TLR5: variants seen among roughly 807,000 people sequenced by gnomAD.
TLR5 encodes the protein toll-like receptor 5.
For missense variants in TLR5, 944 were observed against 999.8 expected, an observed-to-expected ratio of 0.94 and a Z score of 0.75; for synonymous variants, 373 against 384.4, an observed-to-expected ratio of 0.97 and a Z score of 0.35.
At chr1:223,142,215 T>C (rs1657904137) in intron 1 of TLR5, among the ~76,000 whole-genome samples, 1 of 152,090 alleles carries the variant, frequency 6.6e-6, no homozygotes, top group Non-Finnish European at 1.5e-5. Context: ...CCCCTAGCAT[T>C]AGCGGGGAGT....
intron 5 of TLR5, among the ~76,000 whole-genome samples, chr1:223,117,110 G>T (rs1656702055): frequency 2.0e-5 from 3 of 152,164 alleles, no homozygotes; most frequent in African/African-American, 7.2e-5. Flanking sequence ...CTGCAGGCAG[G>T]CGGCTGAGGC....
At chr1:223,122,226 T>G (rs1656982983) in intron 5 of TLR5, among the ~76,000 whole-genome samples, 1 of 152,184 alleles carries the variant, frequency 6.6e-6, no homozygotes, top group Non-Finnish European at 1.5e-5. Context: ...TGCATCATGA[T>G]GATAAACCAA....
chr1:223,121,578 G>A (rs1055854153), intron 5 of TLR5, among the ~76,000 whole-genome samples: 1 of 152,220 alleles, frequency 6.6e-6, no homozygotes, highest in Non-Finnish European at 1.5e-5. Flanking sequence ...GAGTGCAGTG[G>A]TGCGATTACA....
Position 223,109,578 on chromosome 1 carries a change from T to C in TLR5, c.*877A>G, listed in dbSNP as rs1656220962. The C allele has an allele frequency of 6.6e-6, 1 of 152,150 alleles. No individual in the cohort carries two copies. Among genetic ancestry groups the C allele is most frequent in the Non-Finnish European group, 1.5e-5 (1 of 68,020 alleles). 9.4% of individuals were successfully genotyped at this position (152,150 alleles called of 1,614,324 possible). On this transcript the variant is annotated 3_prime_UTR_variant, in exon 6 of 6. Coordinates refer to ENST00000642603, the MANE Select transcript of TLR5 (RefSeq NM_003268.6). ...CAATTTAATTTTCACAGGAATTCTATGACATAGATGCTGTTACGTGAGAAA... is the reference window on the plus strand; with the variant it reads ...CAATTTAATTTTCACAGGAATTCTACGACATAGATGCTGTTACGTGAGAAA...
chr1:223,126,426 A>T (rs1017822170), intron 5 of TLR5, among the ~76,000 whole-genome samples: 1 of 152,192 alleles, frequency 6.6e-6, no homozygotes, highest in Admixed American at 6.5e-5. Context: ...AACAGTAGTG[A>T]ATGTACTTAA....
chr1:223,117,353 C>T (rs1018575882), intron 5 of TLR5, among the ~76,000 whole-genome samples: 1 of 151,874 alleles, frequency 6.6e-6, no homozygotes, highest in Non-Finnish European at 1.5e-5. Context: ...GGATCCTGCT[C>T]CGGCCTCAGC....
chr1:223,121,304 T>G (rs1294998870), intron 5 of TLR5, among the ~76,000 whole-genome samples: 1 of 152,212 alleles, frequency 6.6e-6, no homozygotes, highest in Non-Finnish European at 1.5e-5. Context: ...TATAAAATTA[T>G]GTATGTAGGT....
chr1:223,109,923 GCTT>G lies in TLR5; in HGVS notation c.*529_*531del, dbSNP rs1656236206. On this transcript the variant is annotated 3_prime_UTR_variant, in exon 6 of 6. Transcript: ENST00000642603. ...GACAGGTAGTGACTCATTCATCCCA[GCTT>G]CTTTGGGGCCACCTCTTATCTATGA... is the stretch of plus-strand genomic sequence containing the variant. 1 of 169,192 alleles carries G rather than the reference GCTT, an allele frequency of 5.9e-6. No homozygotes were observed. Among genetic ancestry groups the G allele is most frequent in the Non-Finnish European group, 1.3e-5 (1 of 78,366 alleles). The allele number at this position is 169,192 out of a possible 1,614,324, so 10.5% of individuals were successfully genotyped here.
At chr1:223,124,355 A>G (rs1657074270) in intron 5 of TLR5, among the ~76,000 whole-genome samples, 1 of 151,964 alleles carries the variant, frequency 6.6e-6, no homozygotes, top group African/African-American at 2.4e-5. Flanking sequence ...AAGCAGGAGA[A>G]ACCCTTGAGC....
In TLR5 at chr1:223,131,840, CAA is replaced by C. The variant is rs1477419976; in HGVS notation, c.-5+633_-5+634del. Among the ~76,000 whole-genome samples, 2 of 152,044 alleles carry C rather than the reference CAA, an allele frequency of 1.3e-5. No individual in the cohort carries two copies. The highest frequency in any genetic ancestry group is 1.3e-4 in the Admixed American group (2 of 15,274). On this transcript the variant is annotated intron_variant, in intron 5 of 5. Coordinates refer to ENST00000642603, the MANE Select transcript of TLR5 (RefSeq NM_003268.6). This position sits in a 1 kb window ranked among gnomAD's most constrained non-coding sequence, Gnocchi z 4.2. Reference sequence around the variant, plus strand: ...CAGCGATCCACCTGCCTCGGCCTCCCAAAGTGTTGGGATTCCAGGCATGAGCC... The same window carrying C: ...CAGCGATCCACCTGCCTCGGCCTCCCAGTGTTGGGATTCCAGGCATGAGCC...
Position 223,132,255 on chromosome 1 carries a change from T to C in TLR5, c.-5+220A>G, listed in dbSNP as rs117493227. On this transcript the variant is annotated intron_variant, in intron 5 of 5. Transcript: ENST00000642603. ...GTGTGCACCTGTAGTCTGAGCTATT[T>C]GGGAGGCTGAGGCAGGAGGATCATT... Among the ~76,000 whole-genome samples the C allele has an allele frequency of 4.5e-3, 684 of 152,204 alleles. 20 individuals are homozygous for C. The East Asian group carries it at 0.063, about 14-fold the overall frequency.
intron 5 of TLR5, among the ~76,000 whole-genome samples, chr1:223,115,549 C>G (rs573600924): frequency 6.6e-6 from 1 of 152,330 alleles, no homozygotes; most frequent in South Asian, 2.1e-4. Context: ...GCACACCAAG[C>G]CTCAGGCATT....
chr1:223,137,976 T>TTTTTTTTTTTA (rs1657681629), intron 2 of TLR5, among the ~76,000 whole-genome samples: 1 of 143,646 alleles, frequency 7.0e-6, no homozygotes, highest in Admixed American at 6.9e-5. Context: ...TTTTTTTTTT[T>TTTTTTTTTTTA]GAGACCAGGT....
At chr1:223,130,212 G>A (rs138586160) in intron 5 of TLR5, among the ~76,000 whole-genome samples, 16 of 152,310 alleles carry the variant, frequency 1.1e-4, no homozygotes, top group African/African-American at 3.8e-4. Flanking sequence ...CCGTTCCACA[G>A]AGCTGCAGAC....
intron 5 of TLR5, among the ~76,000 whole-genome samples, chr1:223,120,017 T>A (rs1192951422): frequency 1.4e-5 from 2 of 143,312 alleles, no homozygotes; most frequent in Non-Finnish European, 3.1e-5. Flanking sequence ...TAAAATAAAA[T>A]AAAAAGATAT....
At chr1:223,140,691 T>C (rs1195386270) in intron 2 of TLR5, among the ~76,000 whole-genome samples, 1 of 152,218 alleles carries the variant, frequency 6.6e-6, no homozygotes, top group East Asian at 1.9e-4. Context: ...TTCATTATTC[T>C]GAGCTTCATA....
chr1:223,120,204 A>G (rs1656894611), intron 5 of TLR5, among the ~76,000 whole-genome samples: 1 of 151,962 alleles, frequency 6.6e-6, no homozygotes, highest in Non-Finnish European at 1.5e-5. Flanking sequence ...GGATTTAATT[A>G]AGAGTCTGGC....
chr1:223,117,085 G>T (rs2102882270), intron 5 of TLR5, among the ~76,000 whole-genome samples: 1 of 152,252 alleles, frequency 6.6e-6, no homozygotes, highest in South Asian at 2.1e-4. Context: ...CGGGCTGCAG[G>T]TCCCGAGCCC....
intron 5 of TLR5, among the ~76,000 whole-genome samples, chr1:223,120,190 G>A (rs966846467): frequency 6.6e-6 from 1 of 151,850 alleles, no homozygotes; most frequent in African/African-American, 2.4e-5. Flanking sequence ...TCCTGATCCA[G>A]GAGGGATTTA....
Sources: gnomAD v4.1 joint callset for allele counts (sites outside exome capture counted in the v4.1 genomes callset) on GRCh38, gnomAD v4.1.1 for gene constraint, Gnocchi (gnomAD v3.1) non-coding constraint, MANE v1.5 for transcripts, NCBI Gene and HGNC (gene_info 2026-07-23, HGNC 2026-07-21) for gene names.